PDIA5: variants seen among roughly 807,000 people sequenced by gnomAD.
PDIA5 encodes the protein protein disulfide isomerase family A member 5.
PDIA5 carries 58 observed loss-of-function variants against 77.6 expected under a neutral mutation model. The ratio of observed to expected loss-of-function variants is 0.75; its 90% CI spans 0.61 to 0.93. The LOEUF (loss-of-function observed/expected upper bound fraction) is 0.93. Among genes scored for constraint, PDIA5 ranks in the 40% least tolerant of loss-of-function variants. PDIA5 has a pLI of 0.00. For missense variants in PDIA5, 630 were observed against 647.7 expected (o/e 0.97, Z 0.30); for synonymous variants, 250 against 252.1 (o/e 0.99, Z 0.08).
intron 15 of PDIA5, among the ~76,000 whole-genome samples, chr3:123,157,485 C>T (rs1936047090): frequency 6.6e-6 from 1 of 152,164 alleles, no homozygotes; most frequent in South Asian, 2.1e-4. Context: ...GAGCTGTGTC[C>T]CTTGTTCAGG....
intron 7 of PDIA5, among the ~76,000 whole-genome samples, chr3:123,112,670 G>A (rs1934894253): frequency 6.7e-6 from 1 of 149,140 alleles, no homozygotes; most frequent in Non-Finnish European, 1.5e-5. Context: ...TGATTCTCCT[G>A]CCTCAGCTTC....
chr3:123,121,656 A>G (rs1042158133), intron 8 of PDIA5, among the ~76,000 whole-genome samples: 3 of 152,122 alleles, frequency 2.0e-5, no homozygotes, highest in Non-Finnish European at 4.4e-5. Context: ...GAGGCGGGGG[A>G]TGGGCAGCCT....
intron 1 of PDIA5, among the ~76,000 whole-genome samples, chr3:123,081,915 T>C (rs1023352416): frequency 6.6e-6 from 1 of 152,200 alleles, no homozygotes; most frequent in Non-Finnish European, 1.5e-5. Context: ...CTGATGGAGA[T>C]GCTGGGTGGC....
intron 11 of PDIA5, among the ~76,000 whole-genome samples, chr3:123,131,335 G>A (rs1036964849): frequency 1.3e-5 from 2 of 151,820 alleles, no homozygotes; most frequent in African/African-American, 4.8e-5. Context: ...CAGGAGAATC[G>A]CTTGAACCTG....
At chr3:123,133,009 G>A (rs1434397918) in intron 11 of PDIA5, among the ~76,000 whole-genome samples, 1 of 152,192 alleles carries the variant, frequency 6.6e-6, no homozygotes, top group Non-Finnish European at 1.5e-5. Flanking sequence ...CTGTCGGATG[G>A]TAATAGCTCT....
intron 11 of PDIA5, among the ~76,000 whole-genome samples, chr3:123,139,177 C>T (rs1339524887): frequency 6.6e-6 from 1 of 152,196 alleles, no homozygotes; most frequent in Admixed American, 6.5e-5. Context: ...AATGGCCTCT[C>T]AAATCACAAT....
intron 3 of PDIA5, among the ~76,000 whole-genome samples, chr3:123,098,858 C>G (rs773256685): frequency 6.6e-6 from 1 of 152,234 alleles, no homozygotes; most frequent in Non-Finnish European, 1.5e-5. Flanking sequence ...TTTTCCTGCT[C>G]ACTGCTTTGT....
intron 13 of PDIA5, among the ~76,000 whole-genome samples, chr3:123,148,301 C>T (rs1935813314): frequency 6.6e-6 from 1 of 152,162 alleles, no homozygotes; most frequent in African/African-American, 2.4e-5. Flanking sequence ...GGCACGGTGG[C>T]TCATGGCTGT....
chr3:123,145,213 A>C, intron 11 of PDIA5: 1 of 300,512 alleles, frequency 3.3e-6, no homozygotes. Flanking sequence ...TAATCCATAG[A>C]ATGGAGATAA....
At chr3:123,086,149 G>T (rs1934134000) in intron 1 of PDIA5, among the ~76,000 whole-genome samples, 1 of 152,196 alleles carries the variant, frequency 6.6e-6, no homozygotes, top group South Asian at 2.1e-4. Flanking sequence ...AGAAACACTA[G>T]AATATGGTAA....
chr3:123,096,391 G>T (rs1934442010), intron 3 of PDIA5, among the ~76,000 whole-genome samples: 1 of 152,054 alleles, frequency 6.6e-6, no homozygotes, highest in Non-Finnish European at 1.5e-5. Flanking sequence ...GTTTTGCCAT[G>T]TTGCCCCGGC....
At chr3:123,105,018 T>C (rs1934693012) in intron 5 of PDIA5, among the ~76,000 whole-genome samples, 1 of 152,252 alleles carries the variant, frequency 6.6e-6, no homozygotes, top group African/African-American at 2.4e-5. Context: ...TGTCAGTTGT[T>C]ACGTTAAAAG....
chr3:123,135,859 CTT>C (rs374372363), intron 11 of PDIA5, among the ~76,000 whole-genome samples: 22 of 133,318 alleles, frequency 1.7e-4, no homozygotes, highest in East Asian at 4.3e-4. Flanking sequence ...TAAAATCGAC[CTT>C]TTTTTTTTTT....
At chr3:123,067,672 G>C (rs1226757261) in intron 1 of PDIA5, 1 of 154,734 alleles carries the variant, frequency 6.5e-6, no homozygotes, top group Non-Finnish European at 1.4e-5. Context: ...AGGCGTCTGG[G>C]AAACTGCGGG....
At chr3:123,134,030 C>A (rs1318078046) in intron 11 of PDIA5, among the ~76,000 whole-genome samples, 1 of 145,816 alleles carries the variant, frequency 6.9e-6, no homozygotes, top group East Asian at 2.0e-4. Context: ...CTTTTCTTTT[C>A]TTTCTTTTTT....
At chr3:123,159,828 T>C (rs1215351611) in intron 15 of PDIA5, among the ~76,000 whole-genome samples, 1 of 152,150 alleles carries the variant, frequency 6.6e-6, no homozygotes, top group Non-Finnish European at 1.5e-5. Flanking sequence ...ACCTCACTCT[T>C]CTCTTCAGCT....
Position 123,146,271 on chromosome 3 carries a change from G to A in PDIA5, c.1142+12G>A, listed in dbSNP as rs373045417. The stretch of plus-strand genomic sequence containing the variant: ...GAGTGGATGCAAAAGTAAGTGTTAC[G>A]ATCTCAGTAGCACATCCTAACTGCC... On this transcript the variant is annotated intron_variant, in intron 13 of 16. Transcript: ENST00000316218. 15 of 1,611,508 alleles carry A rather than the reference G, an allele frequency of 9.3e-6. No individual in the cohort carries two copies. The highest frequency in any genetic ancestry group is 1.3e-5 in the Non-Finnish European group (15 of 1,178,072).
Position 123,145,582 on chromosome 3 carries a change from G to T in PDIA5, c.971G>T (p.Gly324Val), listed in dbSNP as rs759501898. 2 of 1,612,816 alleles carry T rather than the reference G, an allele frequency of 1.2e-6. No homozygotes were observed. The highest frequency in any genetic ancestry group is 2.2e-5 in the East Asian group (1 of 44,870). ...EFEKAAEALH[G>V]EADSSGVLAA... is the part of the protein sequence containing the mutation. ...GAGAAGGCAGCAGAAGCCCTCCATG[G>T]AGAAGCGGATGTAAGCTTCCTTTCC... Residue 324 changes from glycine (G) to valine (V), a missense_variant, in exon 12 of 17, where the codon GGA becomes GTA. Coordinates refer to ENST00000316218, the MANE Select transcript of PDIA5 (RefSeq NM_006810.4).
chr3:123,139,211 G>A (rs916792497), intron 11 of PDIA5, among the ~76,000 whole-genome samples: 3 of 152,130 alleles, frequency 2.0e-5, no homozygotes, highest in South Asian at 2.1e-4. Context: ...GCAGTGGGCC[G>A]GAGTCCCGCT....
Sources: gnomAD v4.1 joint callset for allele counts (sites outside exome capture counted in the v4.1 genomes callset) on GRCh38, gnomAD v4.1.1 for gene constraint, MANE v1.5 for transcripts, NCBI Gene and HGNC (gene_info 2026-07-23, HGNC 2026-07-21) for gene names.